Variants in IRX4 observed in about 807,000 individuals in gnomAD.
IRX4 encodes iroquois-class homeodomain protein IRX-4.
A neutral mutation model predicts 32.0 loss-of-function variants in IRX4; 22 were observed. The ratio of observed to expected loss-of-function variants is 0.69; its 90% confidence interval spans 0.49 to 0.98. The LOEUF (loss-of-function observed/expected upper bound fraction) is 0.98, where lower values mean the gene tolerates loss of function less well. Among genes scored for constraint, IRX4 ranks in the 50% least tolerant of loss-of-function variants. The pLI is 0.00. For synonymous variants in IRX4, 379 were observed against 351.7 expected (o/e 1.08, Z -0.87); for missense variants, 840 against 744.2 (o/e 1.13, Z -1.50).
intron 1 of IRX4, 105 bp downstream of exon 1, chr5:1,882,498 G>A (rs1735486598): frequency 1.2e-5 from 12 of 1,016,880 alleles, no homozygotes; most frequent in Non-Finnish European, 1.8e-5. Context: ...TTGCTAGCTC[G>A]GAAGCCGCAG....
At chr5:1,880,184 T>G in intron 3 of IRX4, 1 of 1,474,222 alleles carries the variant, frequency 6.8e-7, no homozygotes, top group Non-Finnish European at 9.1e-7. Flanking sequence ...GCCCACACCC[T>G]GAGATGTAAC....
upstream of IRX4, among the ~76,000 whole-genome samples, chr5:1,885,364 C>T (rs924084356): frequency 6.6e-6 from 1 of 152,220 alleles, no homozygotes; most frequent in African/African-American, 2.4e-5. Flanking sequence ...GCCACCTTCT[C>T]CTGTTCTCTT....
chr5:1,878,554 G>A lies in IRX4; in HGVS notation c.975C>T (p.Ser325=), dbSNP rs773554462. 10 of 1,535,880 alleles carry A rather than the reference G, an allele frequency of 6.5e-6. No homozygotes were observed. In the Admixed American group the frequency reaches 2.0e-4, roughly 31 times the overall value. The change falls in exon 5 of 5, where the codon AGC becomes AGT. Residue 325 remains serine, a synonymous_variant. Coordinates refer to ENST00000231357, the MANE Select transcript of IRX4 (RefSeq NM_016358.3). The part of the protein sequence containing the change: ...ALDEDLERAR[S]CLRSAAAGPE... Reference sequence around the variant, plus strand: ...GCCCGGCCGCCGCGCTGCGGAGACAGCTCCGGGCCCTCTCCAGGTCCTCGT... The same window carrying A: ...GCCCGGCCGCCGCGCTGCGGAGACAACTCCGGGCCCTCTCCAGGTCCTCGT...
chr5:1,878,903 G>C, intron 4 of IRX4, 111 bp from the exon 5 acceptor site: 3 of 1,151,052 alleles, frequency 2.6e-6, no homozygotes, highest in Non-Finnish European at 3.9e-6. Context: ...AAAAGCACTC[G>C]GGGCCTCTCT....
In IRX4 at chr5:1,878,535, C is replaced by T. The variant is rs1735297473; in HGVS notation, c.994G>A (p.Ala332Thr). The T allele has an allele frequency of 5.5e-6, 8 of 1,449,882 alleles. No individual in the cohort carries two copies. The highest frequency in any genetic ancestry group is 7.2e-6 in the Non-Finnish European group (8 of 1,108,350). 89.8% of individuals were successfully genotyped at this position (1,449,882 alleles called of 1,614,324 possible). ...GCGCCCGGCAGTGGCTCCGGCCCGG[C>T]CGCCGCGCTGCGGAGACAGCTCCGG... ...RARSCLRSAA[A>T]GPEPLPGAEG... The change falls in exon 5 of 5, where the codon GCC becomes ACC. Residue 332 changes from alanine (A) to threonine (T), a missense_variant. This residue lies in a region of IRX4 where 585 missense variants were observed against 488.0 expected (regional missense o/e 1.20). Transcript: ENST00000231357.
chr5:1,884,218 G>C (rs1047359467), upstream of IRX4: 6 of 152,276 alleles, frequency 3.9e-5, no homozygotes, highest in African/African-American at 1.4e-4. Context: ...CCGGCCTCCC[G>C]TGGTAAGTTG....
rs1203613351 is a variant in IRX4, at chr5:1,878,335, T to C, written c.1194A>G (p.Gln398=). The C allele has an allele frequency of 2.6e-6, 4 of 1,551,078 alleles. No homozygotes were observed. The highest frequency in any genetic ancestry group is 3.5e-6 in the Non-Finnish European group (4 of 1,149,408). ...ACACAGCCGCAGGGGCCGCGGGACC[T>C]TGGCGCTTGAGCATGCACGACGGAA... The part of the protein sequence containing the change: ...TEFPSCMLKR[Q]GPAAPAAVSS... The change falls in exon 5 of 5, where the codon CAA becomes CAG. Residue 398 remains glutamine (Q), a synonymous_variant. Coordinates refer to ENST00000231357, the MANE Select transcript of IRX4 (RefSeq NM_016358.3).
intron 1 of IRX4, 104 bp from the exon 2 acceptor site, chr5:1,882,163 C>A (rs998423410): frequency 1.5e-6 from 2 of 1,355,684 alleles, no homozygotes; most frequent in Non-Finnish European, 2.0e-6. Flanking sequence ...CCCCGAGTAC[C>A]CCCGGGCCTC....
In IRX4 at chr5:1,882,700, G is replaced by T; in HGVS notation, c.-53C>A. The T allele has an allele frequency of 2.5e-6, 3 of 1,194,034 alleles. No homozygotes were observed. The highest frequency in any genetic ancestry group is 4.7e-5 in the South Asian group (2 of 42,582). The allele number at this position is 1,194,034 out of a possible 1,614,324, so 74.0% of individuals were successfully genotyped here. Reference sequence around the variant, plus strand: ...GGGGCCTGCAGGGTTCTGCGCGCTGGGGCCGGCGTGGCGCGGCCACTGCTC... The same window carrying T: ...GGGGCCTGCAGGGTTCTGCGCGCTGTGGCCGGCGTGGCGCGGCCACTGCTC... On this transcript the variant is annotated 5_prime_UTR_variant, in exon 1 of 5. Coordinates refer to ENST00000231357, the MANE Select transcript of IRX4 (RefSeq NM_016358.3).
At chr5:1,881,575 T>G (rs576611387) in intron 2 of IRX4, among the ~76,000 whole-genome samples, 1 of 137,976 alleles carries the variant, frequency 7.2e-6, no homozygotes, top group South Asian at 2.2e-4. Context: ...GAGGATTTAG[T>G]AGGGAACCAA....
Position 1,882,011 on chromosome 5 carries a change from G to A in IRX4, c.94C>T (p.Arg32Cys), listed in dbSNP as rs962499450. ...SLSTCCESGGRTLADSGPAAS... is the reference protein window; with the variant it reads ...SLSTCCESGGCTLADSGPAAS... ...GCGGGCCCGGAGTCCGCCAGCGTGC[G>A]GCCTCCGGACTCGCAGCACGTGCTC... is the stretch of plus-strand genomic sequence containing the variant. Residue 32 changes from arginine to cysteine, a missense_variant, in exon 2 of 5, where the codon CGC becomes TGC. Around this residue, in one of 3 missense-constraint regions of IRX4, gnomAD observed 241 missense variants for 220.8 expected, o/e 1.09. Coordinates refer to ENST00000231357, the MANE Select transcript of IRX4 (RefSeq NM_016358.3). The A allele has an allele frequency of 3.9e-6, 6 of 1,548,154 alleles. No individual in the cohort carries two copies. The African/African-American group carries it at 4.1e-5, about 11-fold the overall frequency.
chr5:1,878,295 T>G lies in IRX4; in HGVS notation c.1234A>C (p.Thr412Pro). Residue 412 changes from threonine to proline, a missense_variant, in exon 5 of 5, where the codon ACG becomes CCG. Coordinates refer to ENST00000231357, the MANE Select transcript of IRX4 (RefSeq NM_016358.3). The stretch of plus-strand genomic sequence containing the variant: ...TGGGGAAGGGCCACAGACGGGGACG[T>G]GGCGGGCGCGGAGGACACAGCCGCA... ...APAAVSSAPA[T>P]SPSVALPHSG... The G allele has an allele frequency of 6.3e-7, 1 of 1,586,686 alleles. No individual in the cohort carries two copies. Among genetic ancestry groups the G allele is most frequent in the Non-Finnish European group, 8.6e-7 (1 of 1,167,402 alleles).
rs142055032 is a variant in IRX4, at chr5:1,879,550, G to A, written c.690C>T (p.Gly230=). The A allele has an allele frequency of 3.2e-4, 524 of 1,613,090 alleles. No individual in the cohort carries two copies. The highest frequency in any genetic ancestry group is 4.0e-4 in the Non-Finnish European group (477 of 1,179,928). ...PYAEGEEEEG[G]EEEAREEPLK... Reference sequence around the variant, plus strand: ...GGGGCTCCTCCCGCGCCTCCTCCTCGCCCCCCTCCTCCTCCTCGCCCTCCG... The same window carrying A: ...GGGGCTCCTCCCGCGCCTCCTCCTCACCCCCCTCCTCCTCCTCGCCCTCCG... Residue 230 remains glycine, a synonymous_variant, in exon 4 of 5, where the codon GGC becomes GGT. Coordinates refer to ENST00000231357, the MANE Select transcript of IRX4 (RefSeq NM_016358.3).
chr5:1,882,185 A>C, intron 1 of IRX4, 126 bp from the exon 2 acceptor site: 1 of 1,155,452 alleles, frequency 8.7e-7, no homozygotes, highest in Non-Finnish European at 1.2e-6. Context: ...CGCCGTCCAC[A>C]CCAGGATGCT....
chr5:1,878,114 C>G lies in IRX4; in HGVS notation c.1415G>C (p.Arg472Pro). The G allele has an allele frequency of 6.5e-7, 1 of 1,540,790 alleles. No individual in the cohort carries two copies. The highest frequency in any genetic ancestry group is 1.2e-5 in the South Asian group (1 of 84,146). Residue 472 changes from arginine (R) to proline (P), a missense_variant, in exon 5 of 5, where the codon CGC becomes CCC. Arg to Pro is a moderately radical substitution (Grantham distance 103). This residue lies in a region of IRX4 where 585 missense variants were observed against 488.0 expected (regional missense o/e 1.20). Transcript: ENST00000231357. The stretch of plus-strand genomic sequence containing the variant: ...CACGTTCGCGCCCGCCCCCAGCGAG[C>G]GTCCCAGAGGCCCGGGGTCCAGGAG... ...GALLDPGPLG[R>P]SLGAGANVLT... is the part of the protein sequence containing the mutation.
intron 1 of IRX4, 133 bp downstream of exon 1, chr5:1,882,470 G>A (rs1735485480): frequency 7.6e-6 from 6 of 787,972 alleles, no homozygotes; most frequent in East Asian, 6.0e-5. Flanking sequence ...TGGGCGTGAG[G>A]GGCGCGCGAC....
In IRX4 at chr5:1,878,679, C is replaced by G; in HGVS notation, c.850G>C (p.Gly284Arg). The G allele has an allele frequency of 6.3e-7, 1 of 1,599,898 alleles. No homozygotes were observed. Among genetic ancestry groups the G allele is most frequent in the Non-Finnish European group, 8.5e-7 (1 of 1,173,980 alleles). Residue 284 changes from glycine (G) to arginine (R), a missense_variant, in exon 5 of 5, where the codon GGC (glycine) becomes CGC (arginine). Physicochemically the swap from Gly to Arg is moderately radical, Grantham distance 125 (BLOSUM62 -2). This residue lies in a region of IRX4 where 585 missense variants were observed against 488.0 expected (regional missense o/e 1.20). Coordinates refer to ENST00000231357, the MANE Select transcript of IRX4 (RefSeq NM_016358.3). ...ELKPPFHSLD[G>R]GLERVPAAPD... ...GCGGCGGGGACGCGCTCCAGACCGC[C>G]GTCCAGGGAGTGGAAGGGCGGCTTC...
chr5:1,878,796 C>T lies in IRX4; in HGVS notation c.737-4G>A. On this transcript the variant is annotated splice_polypyrimidine_tract_variant and splice_region_variant and intron_variant, in intron 4 of 4. Coordinates refer to ENST00000231357, the MANE Select transcript of IRX4 (RefSeq NM_016358.3). Reference sequence around the variant, plus strand: ...TTCTCCTCTTTGCCCACGGGCTCTGCGGGAGAGAATGCGTGGCCAGTGGAG... The same window carrying T: ...TTCTCCTCTTTGCCCACGGGCTCTGTGGGAGAGAATGCGTGGCCAGTGGAG... The T allele has an allele frequency of 1.2e-6, 2 of 1,613,034 alleles. No individual in the cohort carries two copies. The highest frequency in any genetic ancestry group is 1.7e-6 in the Non-Finnish European group (2 of 1,179,742).
At chr5:1,886,509 C>T (rs1469087580), upstream of IRX4, among the ~76,000 whole-genome samples, 2 of 152,200 alleles carry the variant, frequency 1.3e-5, no homozygotes, top group African/African-American at 4.8e-5. Flanking sequence ...GAGGCCCCCT[C>T]GGAGCCAGTG....
Sources: allele counts gnomAD v4.1 joint callset (sites outside exome capture counted in the v4.1 genomes callset), GRCh38; gene constraint gnomAD v4.1.1; regional missense constraint gnomAD v4.1.1; transcripts MANE v1.5; gene names NCBI Gene and HGNC (gene_info 2026-07-23, HGNC 2026-07-21).